Variants in PLCB1 observed in about 807,000 individuals in gnomAD.
PLCB1 encodes the protein phospholipase C beta 1.
A neutral mutation model predicts 161.8 loss-of-function variants in PLCB1; 46 were observed. The ratio of observed to expected loss-of-function variants is 0.28; its 90% CI spans 0.22 to 0.36. The LOEUF (loss-of-function observed/expected upper bound fraction) is 0.36. Ranked by LOEUF, PLCB1 falls within the 10% of genes least tolerant of loss-of-function variation. The pLI is 1.00. For missense variants in PLCB1, 1,016 were observed against 1,472.5 expected, an observed-to-expected ratio of 0.69 and a Z score of 5.07; for synonymous variants, 517 against 503.7, an observed-to-expected ratio of 1.03 and a Z score of -0.35.
intron 2 of PLCB1, among the ~76,000 whole-genome samples, chr20:8,199,972 A>T (rs994262600): frequency 6.6e-6 from 1 of 152,146 alleles, no homozygotes; most frequent in Non-Finnish European, 1.5e-5. Context: ...ACATAGGACC[A>T]AGTGGAGAAA....
At chr20:8,383,051 C>T (rs35738107) in intron 3 of PLCB1, among the ~76,000 whole-genome samples, 20,805 of 152,018 alleles carry the variant, frequency 0.14, 1,851 homozygotes, top group Non-Finnish European at 0.19. Context: ...TGTTAGGTCC[C>T]GTTGATCCAG....
At chr20:8,180,006 C>G (rs2051823947) in intron 2 of PLCB1, among the ~76,000 whole-genome samples, 1 of 151,056 alleles carries the variant, frequency 6.6e-6, no homozygotes, top group South Asian at 2.1e-4. Flanking sequence ...CTACAGGTGC[C>G]CGCCACTACG....
chr20:8,860,928 C>A (rs1367755017), intron 31 of PLCB1, among the ~76,000 whole-genome samples: 3 of 152,174 alleles, frequency 2.0e-5, no homozygotes, highest in Non-Finnish European at 4.4e-5. Context: ...GGTATCAATA[C>A]CATCATCATG....
At chr20:8,164,612 A>C (rs1011088507) in intron 2 of PLCB1, among the ~76,000 whole-genome samples, 3 of 152,234 alleles carry the variant, frequency 2.0e-5, no homozygotes, top group African/African-American at 7.2e-5. Context: ...AGTTTCTTGC[A>C]ATAAGAAGCT....
At chr20:8,707,267 G>A in intron 11 of PLCB1, among the ~76,000 whole-genome samples, 1 of 152,188 alleles carries the variant, frequency 6.6e-6, no homozygotes, top group East Asian at 1.9e-4. Flanking sequence ...TAGCTTTCAG[G>A]AGTGGATATA....
rs752508707 is a variant in PLCB1 at position 8,539,686 on chromosome 20, T to TTC, written c.247-88607_247-88606insCT. On this transcript the variant is annotated intron_variant, in intron 3 of 31. Transcript: ENST00000338037. ...TTTCTTTCTTTCTTTCTTTCTTTCT[T>TTC]TTTCTTTTTCCTTCCTTCCTTCCTT... Among the ~76,000 whole-genome samples, 304 of 39,412 alleles carry TTC rather than the reference T, an allele frequency of 7.7e-3. 1 individual carries two copies. The highest frequency in any genetic ancestry group is 0.013 in the South Asian group (14 of 1,064). 25.9% of individuals were successfully genotyped at this position (39,412 alleles called of 152,430 possible).
At chr20:8,755,125 A>G (rs1368187572) in intron 23 of PLCB1, among the ~76,000 whole-genome samples, 3 of 152,178 alleles carry the variant, frequency 2.0e-5, no homozygotes, top group Non-Finnish European at 4.4e-5. Flanking sequence ...CTCTTCCAGC[A>G]TTGAGTAGGG....
At chr20:8,749,851 A>G (rs1031695893) in intron 23 of PLCB1, among the ~76,000 whole-genome samples, 5 of 152,178 alleles carry the variant, frequency 3.3e-5, no homozygotes, top group Non-Finnish European at 7.3e-5. Context: ...TTATTTTAGC[A>G]TAACATTTAG....
intron 31 of PLCB1, among the ~76,000 whole-genome samples, chr20:8,867,917 G>A (rs754469853): frequency 1.1e-4 from 16 of 152,052 alleles, no homozygotes; most frequent in Non-Finnish European, 1.9e-4. Flanking sequence ...AAGGTCCTAG[G>A]AACAGTGCCT....
rs559347273 is a variant in PLCB1 at position 8,314,070 on chromosome 20, T to G, written c.178-57312T>G. Reference sequence around the variant, plus strand: ...ACAGGTAGTTCCATTTTCAAAGTTCTATGCTAATCCCTTTTTTCTTTGTCT... The same window carrying G: ...ACAGGTAGTTCCATTTTCAAAGTTCGATGCTAATCCCTTTTTTCTTTGTCT... On this transcript the variant is annotated intron_variant, in intron 2 of 31. Transcript: ENST00000338037. 6.6e-5 allele frequency among the ~76,000 whole-genome samples: 10 copies of G among 152,322 alleles called. No individual in the cohort carries two copies. The South Asian group carries it at 1.7e-3, about 25-fold the overall frequency.
At chr20:8,165,453 C>T (rs760721475) in intron 2 of PLCB1, among the ~76,000 whole-genome samples, 4 of 152,104 alleles carry the variant, frequency 2.6e-5, no homozygotes, top group Non-Finnish European at 5.9e-5. Context: ...CTCTCTCTAA[C>T]CCTGCCAATT....
chr20:8,651,178 G>A (rs1163272509), intron 7 of PLCB1, among the ~76,000 whole-genome samples: 4 of 152,114 alleles, frequency 2.6e-5, no homozygotes, highest in African/African-American at 9.7e-5. Context: ...TGACTTTATA[G>A]GAAGAACCTT....
intron 2 of PLCB1, among the ~76,000 whole-genome samples, chr20:8,227,199 A>G (rs1251167076): frequency 6.6e-6 from 1 of 152,158 alleles, no homozygotes; most frequent in Non-Finnish European, 1.5e-5. Flanking sequence ...TTGCAGGACT[A>G]GAGGCTACCA....
In PLCB1 at chr20:8,482,898, A is replaced by ATT. The variant is rs11481141; in HGVS notation, c.246+111459_246+111460dup. On this transcript the variant is annotated intron_variant, in intron 3 of 31. Transcript: ENST00000338037. ...ATGTAAGCAGGGCAGGCAGTCCTTC[A>ATT]TTTTTTTTTTTTAACCTCTTTTTCT... 7.3e-4 allele frequency among the ~76,000 whole-genome samples: 108 copies of ATT among 147,964 alleles called. 1 individual carries two copies. The highest frequency in any genetic ancestry group is 3.2e-3 in the East Asian group (16 of 5,020).
In PLCB1 at chr20:8,408,267, G is replaced by A. The variant is rs190471038; in HGVS notation, c.246+36817G>A. The stretch of plus-strand genomic sequence containing the variant: ...ATAGACATCTAAAATAGTTGCTGTA[G>A]TAGGGCATGGTGGTGTGAACCTATA... On this transcript the variant is annotated intron_variant, in intron 3 of 31. Transcript: ENST00000338037. 3.9e-3 allele frequency among the ~76,000 whole-genome samples: 588 copies of A among 152,140 alleles called. 4 individuals are homozygous for A. The highest frequency in any genetic ancestry group is 5.6e-3 in the Non-Finnish European group (384 of 68,016).
At chr20:8,403,336 G>A (rs760193893) in intron 3 of PLCB1, among the ~76,000 whole-genome samples, 16 of 151,908 alleles carry the variant, frequency 1.1e-4, no homozygotes. Flanking sequence ...AGCTATGATC[G>A]CACCACAGCA....
chr20:8,460,294 G>T (rs2122682688), intron 3 of PLCB1, among the ~76,000 whole-genome samples: 1 of 152,262 alleles, frequency 6.6e-6, no homozygotes, highest in African/African-American at 2.4e-5. Flanking sequence ...TCTAAGAGCT[G>T]GGAAGCCATC....
intron 10 of PLCB1, among the ~76,000 whole-genome samples, chr20:8,694,745 A>G (rs1261622173): frequency 1.3e-5 from 2 of 152,224 alleles, no homozygotes; most frequent in African/African-American, 2.4e-5. Context: ...AAATTGTACA[A>G]TATGTAATTG....
chr20:8,533,491 A>G (rs1333211200), intron 3 of PLCB1, among the ~76,000 whole-genome samples: 15 of 152,138 alleles, frequency 9.9e-5, no homozygotes, highest in East Asian at 7.7e-4. Context: ...CAGTGTAAAA[A>G]TGTTCCTATT....
Sources: gnomAD v4.1 joint callset for allele counts (sites outside exome capture counted in the v4.1 genomes callset) on GRCh38, gnomAD v4.1.1 for gene constraint, MANE v1.5 for transcripts, NCBI Gene and HGNC (gene_info 2026-07-23, HGNC 2026-07-21) for gene names.